SLC1A2: variants seen among roughly 807,000 people sequenced by gnomAD.
The protein encoded by SLC1A2 is excitatory amino acid transporter 2.
A neutral mutation model predicts 48.8 loss-of-function variants in SLC1A2; 15 were observed. The ratio of observed to expected loss-of-function variants is 0.31; its 90% CI spans 0.21 to 0.47. The LOEUF (loss-of-function observed/expected upper bound fraction) is 0.47, where lower values mean the gene tolerates loss of function less well. SLC1A2 is among the 20% of genes least tolerant of loss of function. SLC1A2 has a pLI of 0.99. For synonymous variants in SLC1A2, 279 were observed against 272.6 expected, an observed-to-expected ratio of 1.02 and a Z score of -0.23; for missense variants, 502 against 730.5, an observed-to-expected ratio of 0.69 and a Z score of 3.61.
At chr11:35,374,793 T>C (rs962457814) in intron 1 of SLC1A2, among the ~76,000 whole-genome samples, 2 of 151,020 alleles carry the variant, frequency 1.3e-5, no homozygotes, top group Non-Finnish European at 3.0e-5. Flanking sequence ...TATCTTATAA[T>C]TTTGTCTTAT....
Position 35,301,442 on chromosome 11 carries a change from G to A in SLC1A2, c.857+77C>T, listed in dbSNP as rs187091193. The A allele has an allele frequency of 2.1e-6, 3 of 1,409,550 alleles. No homozygotes were observed. The East Asian group carries it at 7.0e-5, about 33-fold the overall frequency. The allele number at this position is 1,409,550 out of a possible 1,614,324, so 87.3% of individuals were successfully genotyped here. A position where few individuals can be genotyped will look rare whatever the true frequency, so the allele number is the denominator to read the frequency against. Reference sequence around the variant, plus strand: ...CAGCCCATGCCAACTTTTTCCTGCAGGGAGAGCTCCAGTATCCTCTGGGGA... The same window carrying A: ...CAGCCCATGCCAACTTTTTCCTGCAAGGAGAGCTCCAGTATCCTCTGGGGA... On this transcript the variant is annotated intron_variant, in intron 6 of 10. Coordinates refer to ENST00000278379, the MANE Select transcript of SLC1A2 (RefSeq NM_004171.4).
At chr11:35,368,163 A>G (rs1038185963) in intron 1 of SLC1A2, among the ~76,000 whole-genome samples, 1 of 152,172 alleles carries the variant, frequency 6.6e-6, no homozygotes, top group Non-Finnish European at 1.5e-5. Context: ...ACCCCCAATC[A>G]TCTCATGTGC....
intron 1 of SLC1A2, among the ~76,000 whole-genome samples, chr11:35,395,817 C>T (rs1412827032): frequency 2.2e-5 from 2 of 91,674 alleles, no homozygotes; most frequent in Non-Finnish European, 4.1e-5. Flanking sequence ...CCAATGCTAT[C>T]CCTCCCCCCT....
At position 35,286,739 on chromosome 11, in the gene SLC1A2, T is replaced by C; in HGVS notation, c.1286+18A>G. On this transcript the variant is annotated intron_variant, in intron 8 of 10. Transcript: ENST00000278379. ...AACAGGGTAGAGGTTGTTTTGTGTTTTACCCCACCCTTCTCACCTTACAGT... is the reference window on the plus strand; with the variant it reads ...AACAGGGTAGAGGTTGTTTTGTGTTCTACCCCACCCTTCTCACCTTACAGT... The C allele has an allele frequency of 6.3e-7, 1 of 1,593,850 alleles. No homozygotes were observed.
intron 1 of SLC1A2, chr11:35,418,250 G>A (rs1424180092): frequency 6.6e-6 from 1 of 152,258 alleles, no homozygotes; most frequent in Non-Finnish European, 1.5e-5. Context: ...TGGAATCTTG[G>A]GAGGCAGGAC....
At chr11:35,270,458 GTTCT>G (rs1850250811) in intron 9 of SLC1A2, among the ~76,000 whole-genome samples, 1 of 152,216 alleles carries the variant, frequency 6.6e-6, no homozygotes, top group African/African-American at 2.4e-5. Flanking sequence ...AATAGTTTGA[GTTCT>G]TTGTTAGTGA....
intron 1 of SLC1A2, chr11:35,380,273 C>T: frequency 1.0e-5 from 4 of 398,162 alleles, no homozygotes; most frequent in Non-Finnish European, 1.8e-5. Flanking sequence ...CACCCTGATG[C>T]TCTGGGTGGT....
At chr11:35,286,580 GTC>G in intron 8 of SLC1A2, 175 bp downstream of exon 8, 1 of 496,246 alleles carries the variant, frequency 2.0e-6, no homozygotes, top group Non-Finnish European at 3.6e-6. Flanking sequence ...ATTAATAAGA[GTC>G]TTCTTTCTTG....
In SLC1A2 at chr11:35,265,452, G is replaced by T. The variant is rs16927218; in HGVS notation, c.1653+75C>A. On this transcript the variant is annotated intron_variant, in intron 10 of 10. Transcript: ENST00000278379. ...GACAATAATACATGCAGGGCTTTACGGTTTTTTTTTTTTTAAAGAAATCAA... is the reference window on the plus strand; with the variant it reads ...GACAATAATACATGCAGGGCTTTACTGTTTTTTTTTTTTTAAAGAAATCAA... 33 of 750,894 alleles carry T rather than the reference G, an allele frequency of 4.4e-5. No individual in the cohort carries two copies. In the African/African-American group the frequency reaches 4.4e-4, roughly 10 times the overall value. 46.5% of individuals were successfully genotyped at this position (750,894 alleles called of 1,614,324 possible).
chr11:35,330,950 T>C (rs1852405973), intron 1 of SLC1A2, among the ~76,000 whole-genome samples: 1 of 152,268 alleles, frequency 6.6e-6, no homozygotes, highest in Admixed American at 6.5e-5. Context: ...TGATTTGTGA[T>C]CATTTGTTAC....
intron 6 of SLC1A2, among the ~76,000 whole-genome samples, chr11:35,292,811 T>C (rs1483005131): frequency 6.6e-6 from 1 of 152,162 alleles, no homozygotes; most frequent in African/African-American, 2.4e-5. Context: ...ATCTTTACCA[T>C]CAAGTTCAAA....
chr11:35,266,760 T>C (rs1950491726), intron 9 of SLC1A2, among the ~76,000 whole-genome samples: 1 of 152,242 alleles, frequency 6.6e-6, no homozygotes, highest in Non-Finnish European at 1.5e-5. Flanking sequence ...GAGACAGTCT[T>C]AGTCCAGGAC....
intron 1 of SLC1A2, chr11:35,360,281 C>T (rs1440191653): frequency 6.5e-6 from 1 of 154,682 alleles, no homozygotes; most frequent in Non-Finnish European, 1.4e-5. Context: ...TTAAAGTCAT[C>T]ATCAGTGTCA....
chr11:35,330,356 C>T (rs910410205), intron 1 of SLC1A2, among the ~76,000 whole-genome samples: 1 of 152,356 alleles, frequency 6.6e-6, no homozygotes, highest in South Asian at 2.1e-4. Context: ...AGAGCTGAGG[C>T]TTCTGCCCTG....
intron 9 of SLC1A2, among the ~76,000 whole-genome samples, chr11:35,270,768 G>A (rs1850260166): frequency 2.0e-5 from 3 of 152,192 alleles, no homozygotes; most frequent in South Asian, 4.1e-4. Flanking sequence ...ATAGAGAGAG[G>A]AAAGAAATAA....
chr11:35,388,131 G>C (rs1854643265), intron 1 of SLC1A2, among the ~76,000 whole-genome samples: 1 of 152,116 alleles, frequency 6.6e-6, no homozygotes, highest in Non-Finnish European at 1.5e-5. Flanking sequence ...CAACCCTCGG[G>C]GAAAGGAAGA....
chr11:35,323,144 C>G (rs1320576314), intron 1 of SLC1A2: 1 of 262,568 alleles, frequency 3.8e-6, no homozygotes, highest in East Asian at 1.1e-4. Context: ...TCTGGTCCTG[C>G]TGGTGAGGCA....
chr11:35,284,779 T>C lies in SLC1A2; in HGVS notation c.1286+1978A>G, dbSNP rs995318145. Among the ~76,000 whole-genome samples, 13 of 152,320 alleles carry C rather than the reference T, an allele frequency of 8.5e-5. No individual in the cohort carries two copies. The East Asian group carries it at 2.5e-3, about 29-fold the overall frequency. The stretch of plus-strand genomic sequence containing the variant: ...CTCTGAAGTGGCCATTCCATGGCAA[T>C]ATCAGCCCCTAGAACACATAGAGGA... On this transcript the variant is annotated intron_variant, in intron 8 of 10. Coordinates refer to ENST00000278379, the MANE Select transcript of SLC1A2 (RefSeq NM_004171.4).
intron 1 of SLC1A2, chr11:35,322,797 A>G (rs1852115797): frequency 2.8e-6 from 2 of 726,652 alleles, no homozygotes; most frequent in Non-Finnish European, 4.9e-6. Flanking sequence ...AAGAACCAGG[A>G]AGCAGAGATT....
Sources: gnomAD v4.1 joint callset for allele counts (sites outside exome capture counted in the v4.1 genomes callset) on GRCh38, gnomAD v4.1.1 for gene constraint, MANE v1.5 for transcripts, NCBI Gene and HGNC (gene_info 2026-07-23, HGNC 2026-07-21) for gene names.